Variants in CSNK1A1 observed in about 807,000 individuals in gnomAD.
CSNK1A1 encodes casein kinase I isoform alpha.
CSNK1A1 carries 7 observed loss-of-function variants against 46.1 expected under a neutral mutation model. The ratio of observed to expected loss-of-function variants is 0.15; its 90% CI spans 0.09 to 0.29. The LOEUF (loss-of-function observed/expected upper bound fraction) is 0.29, where lower values mean the gene tolerates loss of function less well. Ranked by LOEUF, CSNK1A1 falls within the 10% of genes least tolerant of loss-of-function variation. The pLI, the probability that CSNK1A1 is intolerant of heterozygous loss-of-function variation, is 1.00. For synonymous variants in CSNK1A1, 137 were observed against 141.5 expected, an observed-to-expected ratio of 0.97 and a Z score of 0.23; for missense variants, 96 against 417.1, an observed-to-expected ratio of 0.23 and a Z score of 6.71.
intron 9 of CSNK1A1, chr5:149,497,651 A>C: frequency 1.0e-6 from 1 of 985,436 alleles, no homozygotes; most frequent in Non-Finnish European, 1.2e-6. Flanking sequence ...CAATAGCCTG[A>C]AAATCTCTTA....
intron 2 of CSNK1A1, among the ~76,000 whole-genome samples, chr5:149,537,510 G>A (rs1216380924): frequency 1.3e-5 from 2 of 152,042 alleles, no homozygotes; most frequent in East Asian, 3.9e-4. Context: ...ACAATGGAGT[G>A]CCAAAACCTC....
chr5:149,501,451 A>G, intron 9 of CSNK1A1: 1 of 985,454 alleles, frequency 1.0e-6, no homozygotes, highest in Non-Finnish European at 1.2e-6. Flanking sequence ...AACTCAGAAA[A>G]AGTCAAACTA....
chr5:149,501,477 T>C (rs913568851), intron 9 of CSNK1A1: 29 of 985,304 alleles, frequency 2.9e-5, no homozygotes, highest in Non-Finnish European at 3.3e-5. Context: ...AAACGGTAGA[T>C]GCAGCCCAGT....
At chr5:149,497,856 G>A (rs977567500) in intron 9 of CSNK1A1, 12 of 981,160 alleles carry the variant, frequency 1.2e-5, no homozygotes, top group Middle Eastern at 1.0e-3. Flanking sequence ...TTTTTTTGGA[G>A]ACAGTCTCGC....
rs1271348772 is a variant in CSNK1A1 at position 149,501,114 on chromosome 5, G to A, written c.1007-4254C>T. On this transcript the variant is annotated intron_variant, in intron 9 of 9. Transcript: ENST00000377843. Reference sequence around the variant, plus strand: ...TTCTTCTAGGTCTTCTAACAGTTGTGCTATCATCCAGATGATCTAACAAGT... The same window carrying A: ...TTCTTCTAGGTCTTCTAACAGTTGTACTATCATCCAGATGATCTAACAAGT... 5 of 985,254 alleles carry A rather than the reference G, an allele frequency of 5.1e-6. No individual in the cohort carries two copies. The African/African-American group carries it at 7.0e-5, about 14-fold the overall frequency. 61.0% of individuals were successfully genotyped at this position (985,254 alleles called of 1,614,324 possible).
intron 2 of CSNK1A1, among the ~76,000 whole-genome samples, 157 bp downstream of exon 2, chr5:149,549,918 A>G (rs2113213173): frequency 6.6e-6 from 1 of 152,348 alleles, no homozygotes. Context: ...TTTACTCAGT[A>G]ATTGAGATGA....
chr5:149,496,849 A>C lies in CSNK1A1; in HGVS notation c.*4T>G. 1.3e-6 allele frequency: 2 copies of C among 1,556,168 alleles called. No homozygotes were observed. Among genetic ancestry groups the C allele is most frequent in the Non-Finnish European group, 1.7e-6 (2 of 1,151,846 alleles). On this transcript the variant is annotated 3_prime_UTR_variant, in exon 10 of 10. Transcript: ENST00000377843. ...CTCTGCTTCTTCTGTTCCTCAATTC[A>C]TGCTTAGAAACCTGGTAAAAAATCA...
intron 2 of CSNK1A1, chr5:149,529,636 T>C: frequency 2.2e-6 from 1 of 453,202 alleles, no homozygotes; most frequent in Non-Finnish European, 4.4e-6. Context: ...GGGCATGGGC[T>C]GTCATAAAGG....
chr5:149,503,032 C>G, intron 9 of CSNK1A1: 1 of 974,502 alleles, frequency 1.0e-6, no homozygotes. Context: ...TCTCAAAGTG[C>G]TGGGATAACA....
chr5:149,518,006 C>T, intron 4 of CSNK1A1: 1 of 584,486 alleles, frequency 1.7e-6, no homozygotes, highest in Non-Finnish European at 3.1e-6. Context: ...CCTTCTTCCA[C>T]CAAGCACTGT....
At chr5:149,520,796 C>T (rs925628715) in intron 3 of CSNK1A1, among the ~76,000 whole-genome samples, 5 of 152,162 alleles carry the variant, frequency 3.3e-5, no homozygotes, top group African/African-American at 1.2e-4. Context: ...AGACCTAATT[C>T]CATGTTATAA....
At chr5:149,509,818 G>A (rs965330213) in intron 7 of CSNK1A1, 61 bp downstream of exon 7, 5 of 1,285,560 alleles carry the variant, frequency 3.9e-6, no homozygotes, top group Non-Finnish European at 5.5e-6. Flanking sequence ...TGGGATTACA[G>A]GTGTGAGCCA....
At chr5:149,512,682 A>G (rs1402393298) in intron 5 of CSNK1A1, among the ~76,000 whole-genome samples, 1 of 152,230 alleles carries the variant, frequency 6.6e-6, no homozygotes, top group East Asian at 1.9e-4. Context: ...GGACACTGAT[A>G]ACATTTTCCT....
At chr5:149,548,548 C>A (rs988329722) in intron 2 of CSNK1A1, among the ~76,000 whole-genome samples, 1 of 145,316 alleles carries the variant, frequency 6.9e-6, no homozygotes, top group Non-Finnish European at 1.5e-5. Flanking sequence ...GCCTGGGCAA[C>A]AGAGTAAGGC....
At chr5:149,504,041 A>G (rs931912458) in intron 9 of CSNK1A1, 1 of 985,314 alleles carries the variant, frequency 1.0e-6, no homozygotes, top group African/African-American at 1.7e-5. Context: ...GACATTAGCT[A>G]CATAACACAT....
intron 9 of CSNK1A1, chr5:149,498,094 A>G: frequency 1.0e-6 from 1 of 981,392 alleles, no homozygotes; most frequent in Non-Finnish European, 1.2e-6. Context: ...GGCCTCCCAA[A>G]GTGTGGGGGT....
intron 2 of CSNK1A1, among the ~76,000 whole-genome samples, chr5:149,526,087 G>A (rs1309335154): frequency 6.6e-6 from 1 of 152,068 alleles, no homozygotes; most frequent in African/African-American, 2.4e-5. Flanking sequence ...TTCAAAAGGG[G>A]AGAACAGGCT....
rs892111476 is a variant in CSNK1A1 at position 149,493,490 on chromosome 5, T to A, written c.*3363A>T. 5.9e-5 allele frequency: 9 copies of A among 151,764 alleles called. No individual in the cohort carries two copies. Among genetic ancestry groups the A allele is most frequent in the Non-Finnish European group, 1.2e-4 (8 of 67,994 alleles). The allele number at this position is 151,764 out of a possible 1,614,324, so 9.4% of individuals were successfully genotyped here. On this transcript the variant is annotated 3_prime_UTR_variant, in exon 10 of 10. Transcript: ENST00000377843. The stretch of plus-strand genomic sequence containing the variant: ...TTTGAGTATGTCCTCAAAACTGGTC[T>A]AACAAGTCATTTCAGAAAATAATTT...
At chr5:149,542,257 C>G (rs1435954280) in intron 2 of CSNK1A1, among the ~76,000 whole-genome samples, 1 of 151,924 alleles carries the variant, frequency 6.6e-6, no homozygotes, top group East Asian at 1.9e-4. Flanking sequence ...CTGTTACTGT[C>G]TCCCATGACC....
Sources: allele counts gnomAD v4.1 joint callset (sites outside exome capture counted in the v4.1 genomes callset), GRCh38; gene constraint gnomAD v4.1.1; transcripts MANE v1.5; gene names NCBI Gene and HGNC (gene_info 2026-07-23, HGNC 2026-07-21).